The following SEPTIN8 variants were observed in gnomAD, a reference collection of about 807,000 sequenced individuals.
SEPTIN8 encodes septin 8.
SEPTIN8 carries 22 observed loss-of-function variants against 53.1 expected under a neutral mutation model. The ratio of observed to expected loss-of-function variants is 0.41; its 90% CI spans 0.30 to 0.59. The LOEUF is 0.59. Among genes scored for constraint, SEPTIN8 ranks in the 20% least tolerant of loss-of-function variants. The pLI is 0.24. For synonymous variants in SEPTIN8, 228 were observed against 248.4 expected, an observed-to-expected ratio of 0.92 and a Z score of 0.77; for missense variants, 536 against 638.7, an observed-to-expected ratio of 0.84 and a Z score of 1.73.
chr5:132,764,924 G>A (rs909535107), intron 2 of SEPTIN8, among the ~76,000 whole-genome samples: 3 of 152,032 alleles, frequency 2.0e-5, no homozygotes, highest in Admixed American at 6.5e-5. Flanking sequence ...CACCTGCAGA[G>A]GGACCAGAAG....
intron 9 of SEPTIN8, 137 bp from the exon 10 acceptor site, chr5:132,752,318 G>A: frequency 8.5e-7 from 1 of 1,177,084 alleles, no homozygotes; most frequent in Non-Finnish European, 1.2e-6. Context: ...CCATAACCCT[G>A]GAAAGAGTCT....
In SEPTIN8 at chr5:132,777,078, G is replaced by A; in HGVS notation, c.30+30C>T. 8.7e-7 allele frequency: 1 copy of A among 1,154,386 alleles called. No individual in the cohort carries two copies. Among genetic ancestry groups the A allele is most frequent in the Non-Finnish European group, 1.1e-6 (1 of 936,920 alleles). The allele number at this position is 1,154,386 out of a possible 1,614,324, so 71.5% of individuals were successfully genotyped here. A position where few individuals can be genotyped will look rare whatever the true frequency, so the allele number is the denominator to read the frequency against. ...GCCCCTCCTGCGCCCCGCGCCTCCCGCGCGCGCCGTGGCCCAGCGGGGCCC... is the reference window on the plus strand; with the variant it reads ...GCCCCTCCTGCGCCCCGCGCCTCCCACGCGCGCCGTGGCCCAGCGGGGCCC... On this transcript the variant is annotated intron_variant, in intron 1 of 9. Transcript: ENST00000378719. The surrounding 1 kb of genome is among the most constrained non-coding windows in gnomAD (Gnocchi z 4.1).
rs30518 is a variant in SEPTIN8, at chr5:132,776,348, G to A, written c.30+760C>T. Among the ~76,000 whole-genome samples, 55,225 of 152,130 alleles carry A rather than the reference G, an allele frequency of 0.36. 16,854 individuals carry two copies. The highest frequency in any genetic ancestry group is 0.8 in the African/African-American group (33,275 of 41,492). The stretch of plus-strand genomic sequence containing the variant: ...TCCCTCCCGCGAGTGAATTATGAAA[G>A]CCTTTAGTAAGTTGGCTGTCGGCAG... On this transcript the variant is annotated intron_variant, in intron 1 of 9. Coordinates refer to ENST00000378719, the MANE Select transcript of SEPTIN8 (RefSeq NM_001098811.2). This position sits in a 1 kb window ranked among gnomAD's most constrained non-coding sequence, Gnocchi z 4.4.
chr5:132,776,850 C>T lies in SEPTIN8; in HGVS notation c.30+258G>A, dbSNP rs1286705889. ...CCCGGAGCCAGGCGGGTCTTTGCTC[C>T]TTCCCGCGAAAGGGGTTAGCCTTGC... On this transcript the variant is annotated intron_variant, in intron 1 of 9. Coordinates refer to ENST00000378719, the MANE Select transcript of SEPTIN8 (RefSeq NM_001098811.2). This position sits in a 1 kb window ranked among gnomAD's most constrained non-coding sequence, Gnocchi z 4.4. Among the ~76,000 whole-genome samples, 5 of 152,190 alleles carry T rather than the reference C, an allele frequency of 3.3e-5. No homozygotes were observed. The highest frequency in any genetic ancestry group is 7.4e-5 in the Non-Finnish European group (5 of 68,026).
Position 132,760,859 on chromosome 5 carries a change from G to A in SEPTIN8, c.1229C>T (p.Ser410Leu), listed in dbSNP as rs1755847874. ...CTGCGAGGTGGCGTGCAAGGCCTGC[G>A]ACTGCAGGGCCTCCACCGCAGCCTT... ...RRKAAVEALQ[S>L]QALHATSQQP... The change falls in exon 9 of 10, where the codon TCG becomes TTG. Residue 410 changes from serine to leucine, a missense_variant. Physicochemically the swap from Ser to Leu is moderately radical, Grantham distance 145 (BLOSUM62 -2). Coordinates refer to ENST00000378719, the MANE Select transcript of SEPTIN8 (RefSeq NM_001098811.2). The surrounding 1 kb of genome is among the most constrained non-coding windows in gnomAD (Gnocchi z 5.2). 7 of 1,613,826 alleles carry A rather than the reference G, an allele frequency of 4.3e-6. No individual in the cohort carries two copies. The highest frequency in any genetic ancestry group is 1.7e-4 in the Middle Eastern group (1 of 6,018).
intron 1 of SEPTIN8, among the ~76,000 whole-genome samples, chr5:132,767,321 C>T (rs1756701044): frequency 6.6e-6 from 1 of 152,182 alleles, no homozygotes; most frequent in Non-Finnish European, 1.5e-5. Context: ...GCCTTCCTCA[C>T]TGGCCTGGTT....
At chr5:132,778,133 C>T, upstream of SEPTIN8, 1 of 955,600 alleles carries the variant, frequency 1.0e-6, no homozygotes, top group African/African-American at 1.8e-5. Context: ...CACTGACAAT[C>T]TATACAAAAG....
chr5:132,758,642 C>T (rs932811532), intron 9 of SEPTIN8: 80 of 1,592,940 alleles, frequency 5.0e-5, no homozygotes, highest in Non-Finnish European at 6.5e-5. Flanking sequence ...CCGCCAGGCC[C>T]GGGGCAGCCT....
intron 1 of SEPTIN8, among the ~76,000 whole-genome samples, chr5:132,770,145 GTATATATATA>G (rs1218971500): frequency 1.1e-4 from 9 of 84,922 alleles, no homozygotes; most frequent in African/African-American, 9.6e-4. Flanking sequence ...GTATGTGTGT[GTATATATATA>G]TATATATATA....
At chr5:132,779,811 G>A (rs577874994), upstream of SEPTIN8, among the ~76,000 whole-genome samples, 1 of 152,252 alleles carries the variant, frequency 6.6e-6, no homozygotes, top group East Asian at 1.9e-4. Context: ...TGCCAAACCA[G>A]TTGTTTCATC....
rs769360917 is a variant in SEPTIN8, at chr5:132,770,063, GTATATA to G, written c.31-4540_31-4535del. On this transcript the variant is annotated intron_variant, in intron 1 of 9. Transcript: ENST00000378719. ...TATATGTGTGTGTGTGTGTGTGTGT[GTATATA>G]TATATATATATGTATATATGTATAT... 1.6e-3 allele frequency among the ~76,000 whole-genome samples: 145 copies of G among 90,230 alleles called. 1 individual carries two copies. Among genetic ancestry groups the G allele is most frequent in the Non-Finnish European group, 2.3e-3 (113 of 48,350 alleles). The allele number at this position is 90,230 out of a possible 152,430, so 59.2% of individuals were successfully genotyped here. A position where few individuals can be genotyped will look rare whatever the true frequency, so the allele number is the denominator to read the frequency against.
intron 9 of SEPTIN8, chr5:132,755,913 A>T (rs1755285921): frequency 1.1e-6 from 1 of 937,014 alleles, no homozygotes; most frequent in Non-Finnish European, 1.3e-6. Context: ...AAGAACAGAC[A>T]AGCTGTATTT....
intron 1 of SEPTIN8, among the ~76,000 whole-genome samples, chr5:132,772,586 C>T (rs182865375): frequency 2.6e-5 from 4 of 152,328 alleles, no homozygotes; most frequent in African/African-American, 9.6e-5. Flanking sequence ...TGTTTCACAG[C>T]AAATGAAACC....
rs59654647 is a variant in SEPTIN8, at chr5:132,763,074, C to G, written c.535-429G>C. On this transcript the variant is annotated intron_variant, in intron 4 of 9. Coordinates refer to ENST00000378719, the MANE Select transcript of SEPTIN8 (RefSeq NM_001098811.2). Reference sequence around the variant, plus strand: ...AAAATCTCCCAGGCCCAGGCTATCCCGTTTTTTACAATAAAAATGAACTCC... The same window carrying G: ...AAAATCTCCCAGGCCCAGGCTATCCGGTTTTTTACAATAAAAATGAACTCC... Among the ~76,000 whole-genome samples, 879 of 152,274 alleles carry G rather than the reference C, an allele frequency of 5.8e-3. 15 individuals carry two copies. Among genetic ancestry groups the G allele is most frequent in the African/African-American group, 0.02 (830 of 41,548 alleles).
In SEPTIN8 at chr5:132,751,373, C is replaced by T; in HGVS notation, c.*643G>A. 5.0e-6 allele frequency: 1 copy of T among 198,724 alleles called. No homozygotes were observed. The highest frequency in any genetic ancestry group is 1.2e-4 in the South Asian group (1 of 8,482). 12.3% of individuals were successfully genotyped at this position (198,724 alleles called of 1,614,324 possible). ...CATTCACTTAGCTGTCTTTATTCACCTACACACAATCCTTATTGAAGCTTT... is the reference window on the plus strand; with the variant it reads ...CATTCACTTAGCTGTCTTTATTCACTTACACACAATCCTTATTGAAGCTTT... On this transcript the variant is annotated 3_prime_UTR_variant, in exon 10 of 10. Transcript: ENST00000378719.
At position 132,761,023 on chromosome 5, in the gene SEPTIN8, G is replaced by A. The variant is rs1201405659; in HGVS notation, c.1096-31C>T. The A allele has an allele frequency of 1.9e-6, 3 of 1,585,980 alleles. No homozygotes were observed. Among genetic ancestry groups the A allele is most frequent in the African/African-American group, 2.7e-5 (2 of 74,398 alleles). On this transcript the variant is annotated intron_variant, in intron 8 of 9. Coordinates refer to ENST00000378719, the MANE Select transcript of SEPTIN8 (RefSeq NM_001098811.2). This position sits in a 1 kb window ranked among gnomAD's most constrained non-coding sequence, Gnocchi z 5.8. ...ATCAGAAAGGGGGCAGAAGATGCGG[G>A]GAGCAAGAGGAGGGCTTGAGCCTGG...
At chr5:132,756,082 G>T in intron 9 of SEPTIN8, 1 of 985,370 alleles carries the variant, frequency 1.0e-6, no homozygotes, top group Non-Finnish European at 1.2e-6. Flanking sequence ...ATGAATGCAG[G>T]AGTAAATGAA....
chr5:132,770,061 G>GTATATATATA (rs1757091211), intron 1 of SEPTIN8, among the ~76,000 whole-genome samples: 1 of 74,080 alleles, frequency 1.3e-5, no homozygotes, highest in Non-Finnish European at 2.9e-5. Flanking sequence ...GTGTGTGTGT[G>GTATATATATA]TGTATATATA....
chr5:132,770,842 G>A (rs1561770293), intron 1 of SEPTIN8, among the ~76,000 whole-genome samples: 2 of 152,200 alleles, frequency 1.3e-5, no homozygotes, highest in Non-Finnish European at 2.9e-5. Context: ...TCCCAGGATA[G>A]AGGGAGTTGG....
Sources: allele counts gnomAD v4.1 joint callset (sites outside exome capture counted in the v4.1 genomes callset), GRCh38; gene constraint gnomAD v4.1.1; non-coding constraint Gnocchi (gnomAD v3.1); transcripts MANE v1.5; gene names NCBI Gene and HGNC (gene_info 2026-07-23, HGNC 2026-07-21).